Variants in FGF14 observed in about 807,000 individuals in gnomAD.
The protein encoded by FGF14 is fibroblast growth factor 14, also known as fibroblast growth factor homologous factor 4.
A neutral mutation model predicts 25.5 loss-of-function variants in FGF14; 5 were observed. That is an observed-to-expected ratio of 0.20 (90% CI 0.10 to 0.41). The LOEUF (loss-of-function observed/expected upper bound fraction) is 0.41. FGF14 is among the 10% of genes least tolerant of loss of function. The probability of loss-of-function intolerance (pLI) is 1.00; values close to 1 mark genes in which losing one functional copy is unlikely to be tolerated. For synonymous variants in FGF14, 138 were observed against 118.3 expected (o/e 1.17, Z -1.08); for missense variants, 222 against 320.1 (o/e 0.69, Z 2.34).
intron 3 of FGF14, among the ~76,000 whole-genome samples, chr13:101,761,665 T>C (rs539657188): frequency 6.6e-6 from 1 of 152,338 alleles, no homozygotes; most frequent in Admixed American, 6.5e-5. Flanking sequence ...ATGTTAGAGA[T>C]GATGGCTAGG....
chr13:101,913,223 A>G (rs1330013866), intron 1 of FGF14, among the ~76,000 whole-genome samples: 1 of 152,158 alleles, frequency 6.6e-6, no homozygotes, highest in Admixed American at 6.5e-5. Context: ...AAAGCATATG[A>G]CTAATTTGCG....
rs779224822 is a variant in FGF14 at position 101,916,683 on chromosome 13, G to A, written c.-38C>T. 3.4e-6 allele frequency: 5 copies of A among 1,463,130 alleles called. 1 individual carries two copies. The South Asian group carries it at 5.7e-5, about 17-fold the overall frequency. The allele number at this position is 1,463,130 out of a possible 1,614,324, so 90.6% of individuals were successfully genotyped here. On this transcript the variant is annotated 5_prime_UTR_variant, in exon 1 of 5. Coordinates refer to ENST00000376143, the MANE Select transcript of FGF14 (RefSeq NM_004115.4). ...AACGGGTCCGGGGAGGGAGGGCGCG[G>A]GAGGACGGCGAGCCGGGGGCACCGG...
intron 1 of FGF14, among the ~76,000 whole-genome samples, chr13:102,258,573 G>T (rs1236974832): frequency 6.6e-6 from 1 of 152,080 alleles, no homozygotes; most frequent in Non-Finnish European, 1.5e-5. Context: ...CATACCTTCA[G>T]TCTGGGGACG....
intron 1 of FGF14, among the ~76,000 whole-genome samples, chr13:102,144,966 T>G (rs2046794150): frequency 6.6e-6 from 1 of 152,222 alleles, no homozygotes. Context: ...GCAAAATGAA[T>G]ATATAAAGAC....
chr13:102,072,346 A>G (rs2043186671), intron 1 of FGF14, among the ~76,000 whole-genome samples: 1 of 152,224 alleles, frequency 6.6e-6, no homozygotes, highest in South Asian at 2.1e-4. Context: ...ATTGATTCGT[A>G]AACAATAAAG....
rs1359344630 is a variant in FGF14 at position 101,717,605 on chromosome 13, T to C, written c.*5226A>G. The stretch of plus-strand genomic sequence containing the variant: ...GATTTCTCTATCACGGCGCTTATCC[T>C]CCTATTAAGGATCAGAAAGTTAAAC... On this transcript the variant is annotated 3_prime_UTR_variant, in exon 5 of 5. Coordinates refer to ENST00000376143, the MANE Select transcript of FGF14 (RefSeq NM_004115.4). The C allele has an allele frequency of 2.6e-5, 4 of 152,144 alleles. No homozygotes were observed. Among genetic ancestry groups the C allele is most frequent in the Admixed American group, 2.6e-4 (4 of 15,268 alleles). 9.4% of individuals were successfully genotyped at this position (152,144 alleles called of 1,614,324 possible).
At chr13:102,291,489 C>T (rs1051356421) in intron 1 of FGF14, among the ~76,000 whole-genome samples, 3 of 152,042 alleles carry the variant, frequency 2.0e-5, no homozygotes, top group Non-Finnish European at 2.9e-5. Context: ...ATTCCTTCCC[C>T]GTGTCAAGAA....
At chr13:101,917,777 GAGA>G (rs1450306066), upstream of FGF14, among the ~76,000 whole-genome samples, 1 of 152,200 alleles carries the variant, frequency 6.6e-6, no homozygotes, top group Non-Finnish European at 1.5e-5. Context: ...AATGGAAAGA[GAGA>G]AGGTGTGATT....
chr13:101,865,929 C>T (rs1286914513), intron 3 of FGF14, among the ~76,000 whole-genome samples: 1 of 152,064 alleles, frequency 6.6e-6, no homozygotes, highest in Non-Finnish European at 1.5e-5. Context: ...TGATTTAAAT[C>T]TCCATTAACT....
chr13:101,954,044 C>T (rs1311585339), intron 1 of FGF14, among the ~76,000 whole-genome samples: 5 of 152,186 alleles, frequency 3.3e-5, no homozygotes, highest in Admixed American at 3.3e-4. Context: ...TCTTTCATTA[C>T]AGCACTGTGG....
chr13:102,074,674 G>A (rs9557799), intron 1 of FGF14, among the ~76,000 whole-genome samples: 57,776 of 151,932 alleles, frequency 0.38, 11,617 homozygotes, highest in East Asian at 0.7. Flanking sequence ...GAACACAGAT[G>A]CAAAAATCCT....
intron 1 of FGF14, among the ~76,000 whole-genome samples, chr13:101,878,838 T>C (rs568147370): frequency 6.6e-6 from 1 of 152,070 alleles, no homozygotes; most frequent in East Asian, 1.9e-4. Context: ...TGTATTAATG[T>C]AATATGTAAA....
intron 1 of FGF14, among the ~76,000 whole-genome samples, chr13:102,024,032 GAA>G (rs2040803381): frequency 6.6e-6 from 1 of 151,980 alleles, no homozygotes; most frequent in Non-Finnish European, 1.5e-5. Context: ...ATCAGTTAAT[GAA>G]CATTTCAGTT....
At chr13:102,250,219 G>A (rs1044931974) in intron 1 of FGF14, among the ~76,000 whole-genome samples, 5 of 152,136 alleles carry the variant, frequency 3.3e-5, no homozygotes, top group African/African-American at 1.2e-4. Context: ...CCCTATCAAG[G>A]AGTTAAACGC....
At chr13:101,915,278 T>C (rs191664867) in intron 1 of FGF14, among the ~76,000 whole-genome samples, 1 of 152,264 alleles carries the variant, frequency 6.6e-6, no homozygotes, top group East Asian at 1.9e-4. Context: ...AATTTGCAAA[T>C]GTAAGGACAC....
At chr13:101,881,078 A>C (rs574256847) in intron 1 of FGF14, among the ~76,000 whole-genome samples, 1 of 152,322 alleles carries the variant, frequency 6.6e-6, no homozygotes, top group African/African-American at 2.4e-5. Flanking sequence ...AAATGTTTGA[A>C]GAGATCATTA....
At chr13:101,999,724 T>C (rs999553799) in intron 1 of FGF14, among the ~76,000 whole-genome samples, 5 of 152,180 alleles carry the variant, frequency 3.3e-5, no homozygotes, top group African/African-American at 1.2e-4. Flanking sequence ...CCCAAGACTC[T>C]TAATTTTATA....
intron 1 of FGF14, among the ~76,000 whole-genome samples, chr13:102,140,051 C>CA (rs1025201591): frequency 9.0e-5 from 13 of 144,364 alleles, no homozygotes; most frequent in African/African-American, 3.4e-4. Context: ...AGACCCCCCC[C>CA]CCCCCTTACA....
intron 1 of FGF14, among the ~76,000 whole-genome samples, chr13:102,040,483 T>C (rs1211980596): frequency 1.3e-5 from 2 of 152,192 alleles, no homozygotes; most frequent in Non-Finnish European, 2.9e-5. Context: ...AAGAGTCTTA[T>C]GTCACTCTAT....
Sources: allele counts gnomAD v4.1 joint callset (sites outside exome capture counted in the v4.1 genomes callset), GRCh38; gene constraint gnomAD v4.1.1; transcripts MANE v1.5; gene names NCBI Gene and HGNC (gene_info 2026-07-23, HGNC 2026-07-21).